EPM2A: variants seen among roughly 807,000 people sequenced by gnomAD.
EPM2A encodes the protein EPM2A glucan phosphatase, laforin.
Under a neutral mutation model 26.5 loss-of-function variants are expected in EPM2A, and 21 were observed. The ratio of observed to expected loss-of-function variants is 0.79; its 90% CI spans 0.56 to 1.14. EPM2A has a LOEUF of 1.14. Ranked by LOEUF, EPM2A falls within the 50% of genes most tolerant of loss-of-function variation. The pLI is 0.00. For missense variants in EPM2A, 458 were observed against 440.8 expected (o/e 1.04, Z -0.35); for synonymous variants, 217 against 177.6 (o/e 1.22, Z -1.76).
At chr6:145,614,785 C>T (rs1254540703) in intron 2 of EPM2A, among the ~76,000 whole-genome samples, 2 of 152,206 alleles carry the variant, frequency 1.3e-5, no homozygotes, top group Non-Finnish European at 2.9e-5. Flanking sequence ...CAACATCAAA[C>T]ATCACAGATC....
intron 2 of EPM2A, among the ~76,000 whole-genome samples, chr6:145,563,171 G>C (rs915505030): frequency 4.6e-5 from 7 of 151,766 alleles, no homozygotes; most frequent in African/African-American, 1.7e-4. Context: ...GGTTGGGGCT[G>C]TATGGTTCGA....
chr6:145,534,997 G>C (rs1185662529), intron 2 of EPM2A, among the ~76,000 whole-genome samples: 1 of 152,116 alleles, frequency 6.6e-6, no homozygotes, highest in Non-Finnish European at 1.5e-5. Context: ...GTCATTATCA[G>C]CCACTTCACA....
chr6:145,647,382 A>G (rs1777555587), intron 2 of EPM2A, among the ~76,000 whole-genome samples: 2 of 152,206 alleles, frequency 1.3e-5, no homozygotes, highest in African/African-American at 4.8e-5. Context: ...CTGCTCATCT[A>G]TTCAACCAAG....
chr6:145,595,641 G>T (rs529786089), intron 2 of EPM2A, among the ~76,000 whole-genome samples: 28 of 151,896 alleles, frequency 1.8e-4, no homozygotes, highest in Non-Finnish European at 1.5e-4. Flanking sequence ...ATATATGGGA[G>T]GGTTTAGCCA....
At chr6:145,500,866 C>G (rs1002098701), downstream of EPM2A, among the ~76,000 whole-genome samples, 10 of 152,080 alleles carry the variant, frequency 6.6e-5, no homozygotes, top group Admixed American at 2.6e-4. Flanking sequence ...TCCCTTCTAG[C>G]AAATGTCCTC....
chr6:145,522,297 G>C lies in EPM2A; in HGVS notation c.341-19722C>G, dbSNP rs1301085271. 2.6e-5 allele frequency among the ~76,000 whole-genome samples: 4 copies of C among 152,006 alleles called. No individual in the cohort carries two copies. The East Asian group carries it at 7.7e-4, about 29-fold the overall frequency. On this transcript the variant is annotated intron_variant, in intron 2 of 3. Coordinates refer to the EPM2A transcript ENST00000450221. ...ACTTTCTGTCTACACATCCAGCTTAGGTACTCTCTAACTTTTGGCCATCTC... is the reference window on the plus strand; with the variant it reads ...ACTTTCTGTCTACACATCCAGCTTACGTACTCTCTAACTTTTGGCCATCTC...
At chr6:145,531,061 G>A (rs1394632346) in intron 2 of EPM2A, among the ~76,000 whole-genome samples, 1 of 152,194 alleles carries the variant, frequency 6.6e-6, no homozygotes. Context: ...CACTATGGGA[G>A]TTCCGTCAGG....
At chr6:145,470,081 T>G (rs1437323983) in intron 4 of EPM2A, among the ~76,000 whole-genome samples, 1 of 151,956 alleles carries the variant, frequency 6.6e-6, no homozygotes, top group African/African-American at 2.4e-5. Flanking sequence ...AAAATATAGC[T>G]AAATAGAATG....
At chr6:145,679,579 C>T (rs777768930) in intron 2 of EPM2A, among the ~76,000 whole-genome samples, 13 of 151,952 alleles carry the variant, frequency 8.6e-5, no homozygotes, top group Non-Finnish European at 1.9e-4. Context: ...AAGAAATTTA[C>T]TTCCAAAGAA....
chr6:145,583,286 G>A (rs1029190681), intron 2 of EPM2A, among the ~76,000 whole-genome samples: 17 of 152,174 alleles, frequency 1.1e-4, no homozygotes, highest in African/African-American at 4.1e-4. Context: ...TGTGTGGGCT[G>A]ATGTTCCCTC....
intron 4 of EPM2A, among the ~76,000 whole-genome samples, chr6:145,421,233 G>A (rs1203517268): frequency 2.0e-5 from 3 of 152,112 alleles, no homozygotes; most frequent in Non-Finnish European, 2.9e-5. Context: ...AATAGACAGT[G>A]AAGGACTAAA....
At chr6:145,469,507 C>A (rs915453266) in intron 4 of EPM2A, among the ~76,000 whole-genome samples, 2 of 151,684 alleles carry the variant, frequency 1.3e-5, no homozygotes, top group Non-Finnish European at 1.5e-5. Context: ...GGCTTATATC[C>A]AAAAGACAGG....
intron 2 of EPM2A, among the ~76,000 whole-genome samples, chr6:145,529,128 AG>A (rs34461265): frequency 0.27 from 40,577 of 152,042 alleles, 5,906 homozygotes; most frequent in South Asian, 0.38. Context: ...AAGCAAAAAA[AG>A]TAGTTTCTTG....
chr6:145,518,417 G>T (rs1346641041), intron 2 of EPM2A, among the ~76,000 whole-genome samples: 1 of 151,982 alleles, frequency 6.6e-6, no homozygotes, highest in Non-Finnish European at 1.5e-5. Flanking sequence ...TTCTGAGAAA[G>T]GATTAATCCA....
intron 3 of EPM2A, among the ~76,000 whole-genome samples, chr6:145,632,599 G>A (rs1291234063): frequency 1.3e-5 from 2 of 152,108 alleles, no homozygotes; most frequent in Admixed American, 1.3e-4. Flanking sequence ...AGTAAGGATC[G>A]ATCACACGAT....
chr6:145,590,868 G>T (rs1232643973), intron 2 of EPM2A, among the ~76,000 whole-genome samples: 1 of 152,008 alleles, frequency 6.6e-6, no homozygotes, highest in African/African-American at 2.4e-5. Flanking sequence ...GAAAAAAACA[G>T]TATAAAAAGT....
intron 2 of EPM2A, among the ~76,000 whole-genome samples, chr6:145,663,246 T>A (rs896685616): frequency 3.9e-5 from 6 of 152,068 alleles, no homozygotes; most frequent in African/African-American, 1.4e-4. Context: ...TTAATAATAA[T>A]TGGGGGGAAC....
Position 145,625,405 on chromosome 6 carries a change from T to A in EPM2A, c.*2011A>T, listed in dbSNP as rs1272176536. 1 of 336,168 alleles carries A rather than the reference T, an allele frequency of 3.0e-6. No homozygotes were observed. Among genetic ancestry groups the A allele is most frequent in the Non-Finnish European group, 5.4e-6 (1 of 183,562 alleles). 20.8% of individuals were successfully genotyped at this position (336,168 alleles called of 1,614,324 possible). On this transcript the variant is annotated 3_prime_UTR_variant, in exon 4 of 4. Transcript: ENST00000367519. ...AAAGACAGTTTATTCCAAAACATTC[T>A]TTAATAGTCCTAAACTGATTTTGTC... is the stretch of plus-strand genomic sequence containing the variant.
At chr6:145,505,222 G>A (rs755285682) in intron 2 of EPM2A, among the ~76,000 whole-genome samples, 1 of 141,336 alleles carries the variant, frequency 7.1e-6, no homozygotes, top group Admixed American at 7.0e-5. Context: ...ATGTGCACAT[G>A]TACCCTAAAA....
Sources: allele counts gnomAD v4.1 joint callset (sites outside exome capture counted in the v4.1 genomes callset), GRCh38; gene constraint gnomAD v4.1.1; transcripts MANE v1.5; gene names NCBI Gene and HGNC (gene_info 2026-07-23, HGNC 2026-07-21).